The following SGCD variants were observed in gnomAD, a reference collection of about 807,000 sequenced individuals.
SGCD encodes delta-sarcoglycan.
SGCD carries 18 observed loss-of-function variants against 36.6 expected under a neutral mutation model. The observed-to-expected ratio is 0.49, with a 90% confidence interval of 0.34 to 0.73. The LOEUF (loss-of-function observed/expected upper bound fraction) is 0.73, where lower values mean the gene tolerates loss of function less well. SGCD is among the 30% of genes least tolerant of loss of function. SGCD has a pLI of 0.01. For synonymous variants in SGCD, 133 were observed against 130.6 expected (o/e 1.02, Z -0.12); for missense variants, 387 against 346.7 (o/e 1.12, Z -0.92).
At chr5:156,122,127 G>T (rs1470274905) in intron 2 of SGCD, among the ~76,000 whole-genome samples, 2 of 152,132 alleles carry the variant, frequency 1.3e-5, no homozygotes, top group Non-Finnish European at 2.9e-5. Flanking sequence ...GAGATGGAAT[G>T]CTTTTGGTTC....
chr5:156,378,068 A>G (rs192153627), intron 3 of SGCD, among the ~76,000 whole-genome samples: 60 of 152,324 alleles, frequency 3.9e-4, no homozygotes, highest in Non-Finnish European at 8.2e-4. Flanking sequence ...TCGTAGCATT[A>G]TTCTCACTAG....
intron 6 of SGCD, among the ~76,000 whole-genome samples, chr5:156,639,717 C>T (rs1207565895): frequency 6.6e-6 from 1 of 152,138 alleles, no homozygotes; most frequent in Non-Finnish European, 1.5e-5. Context: ...CTATTCCTCT[C>T]CTTAATTTCC....
the SGCD span, among the ~76,000 whole-genome samples, chr5:155,762,229 T>C: frequency 0.055 from 8,297 of 152,120 alleles, 271 homozygotes; most frequent in Middle Eastern, 0.13. Context: ...GCCTGACAGA[T>C]GTGAATGAAT....
At chr5:156,052,660 C>T (rs1320824471) in intron 1 of SGCD, among the ~76,000 whole-genome samples, 1 of 145,576 alleles carries the variant, frequency 6.9e-6, no homozygotes, top group Non-Finnish European at 1.5e-5. Flanking sequence ...GCAGGGCTGG[C>T]TGCATACTTT....
chr5:155,825,461 T>C, the SGCD span, among the ~76,000 whole-genome samples: 2 of 152,182 alleles, frequency 1.3e-5, no homozygotes, highest in African/African-American at 2.4e-5. Context: ...ATCATTTTGA[T>C]TGTGAAACAA....
intron 7 of SGCD, among the ~76,000 whole-genome samples, chr5:156,722,693 AT>A (rs1276342151): frequency 6.6e-6 from 1 of 152,216 alleles, no homozygotes; most frequent in Non-Finnish European, 1.5e-5. Context: ...CAGTTCCAGA[AT>A]TATTCTTATA....
At chr5:155,730,557 T>C in the SGCD span, among the ~76,000 whole-genome samples, 15 of 152,046 alleles carry the variant, frequency 9.9e-5, no homozygotes, top group Middle Eastern at 3.4e-3. Context: ...AGATTTTGTA[T>C]TTTTAGGAGG....
the SGCD span, among the ~76,000 whole-genome samples, chr5:155,781,977 GT>G: frequency 1.1e-4 from 17 of 150,144 alleles, no homozygotes; most frequent in South Asian, 4.3e-4. Context: ...GTAACTACAG[GT>G]TTTCCACATT....
chr5:155,979,786 A>C (rs1251305129), intron 1 of SGCD, among the ~76,000 whole-genome samples: 1 of 152,166 alleles, frequency 6.6e-6, no homozygotes, highest in Middle Eastern at 3.2e-3. Context: ...TTTCTGAAAG[A>C]GGGTTTGGGC....
intron 1 of SGCD, among the ~76,000 whole-genome samples, chr5:155,955,853 A>G (rs1465393846): frequency 6.6e-6 from 1 of 152,136 alleles, no homozygotes; most frequent in Middle Eastern, 3.2e-3. Flanking sequence ...AAAGAAACTG[A>G]GGGCACGAGA....
At chr5:155,873,695 T>C (rs1323959233) in intron 1 of SGCD, among the ~76,000 whole-genome samples, 1 of 152,072 alleles carries the variant, frequency 6.6e-6, no homozygotes, top group East Asian at 1.9e-4. Flanking sequence ...AAAGAAAAAG[T>C]CATTACCAAA....
rs397517924 is a variant in SGCD, at chr5:156,757,714, GAGA to G, written c.699+13_699+15del. On this transcript the variant is annotated intron_variant, in intron 8 of 8. Coordinates refer to ENST00000337851, the MANE Select transcript of SGCD (RefSeq NM_000337.6). ...ATCCAAAGATGGAGAGGTGAGGGAT[GAGA>G]AGGACAGAAGTTCAAAGAGCTACAG... The G allele has an allele frequency of 1.2e-3, 1,902 of 1,598,664 alleles. 18 individuals carry two copies. The African/African-American group carries it at 0.023, about 19-fold the overall frequency.
intron 1 of SGCD, among the ~76,000 whole-genome samples, chr5:155,913,012 A>T (rs1187895288): frequency 6.6e-6 from 1 of 152,150 alleles, no homozygotes; most frequent in Non-Finnish European, 1.5e-5. Context: ...GATTTTTCCG[A>T]ACTTTTGCAT....
chr5:156,007,990 T>C (rs1758787408), intron 1 of SGCD, among the ~76,000 whole-genome samples: 1 of 152,214 alleles, frequency 6.6e-6, no homozygotes, highest in African/African-American at 2.4e-5. Flanking sequence ...AGTCAGGTTT[T>C]TATCTCCAAC....
chr5:155,872,100 G>A (rs1444425528), intron 1 of SGCD, among the ~76,000 whole-genome samples: 2 of 152,140 alleles, frequency 1.3e-5, no homozygotes, highest in African/African-American at 4.8e-5. Flanking sequence ...AGGGCTGTCT[G>A]CCTTTCCCAG....
chr5:156,282,916 TAAGTA>T (rs1282246070), intron 3 of SGCD, among the ~76,000 whole-genome samples: 2 of 152,310 alleles, frequency 1.3e-5, no homozygotes, highest in Admixed American at 1.3e-4. Context: ...GTAAATATCT[TAAGTA>T]AAGAAAACGC....
At chr5:156,533,567 A>G (rs1295736395) in intron 4 of SGCD, among the ~76,000 whole-genome samples, 2 of 152,214 alleles carry the variant, frequency 1.3e-5, no homozygotes, top group African/African-American at 4.8e-5. Flanking sequence ...AAACTTACAC[A>G]AATTCTAAAT....
chr5:156,166,472 A>G (rs1358908528), intron 3 of SGCD, among the ~76,000 whole-genome samples: 11 of 152,136 alleles, frequency 7.2e-5, no homozygotes, highest in Non-Finnish European at 1.5e-5. Context: ...GCCAGACACC[A>G]CGCCTGGCTA....
At chr5:156,460,395 T>G (rs892486297) in intron 3 of SGCD, among the ~76,000 whole-genome samples, 1 of 152,162 alleles carries the variant, frequency 6.6e-6, no homozygotes. Flanking sequence ...CATATGCTAA[T>G]GCTTTTGGAG....
Sources: gnomAD v4.1 joint callset for allele counts (sites outside exome capture counted in the v4.1 genomes callset) on GRCh38, gnomAD v4.1.1 for gene constraint, MANE v1.5 for transcripts, NCBI Gene and HGNC (gene_info 2026-07-23, HGNC 2026-07-21) for gene names.